The following ANKS1B variants were observed in gnomAD, a reference collection of about 807,000 sequenced individuals.
ANKS1B encodes the protein ankyrin repeat and sterile alpha motif domain containing 1B.
Under a neutral mutation model 148.3 loss-of-function variants are expected in ANKS1B, and 36 were observed. The observed-to-expected ratio is 0.24, with a 90% CI of 0.19 to 0.32. ANKS1B has a LOEUF of 0.32. Among genes scored for constraint, ANKS1B ranks in the 10% least tolerant of loss-of-function variants. The pLI is 1.00. For missense variants in ANKS1B, 1,157 were observed against 1,542.6 expected (o/e 0.75, Z 4.19); for synonymous variants, 542 against 560.8 (o/e 0.97, Z 0.47).
chr12:98,927,000 T>A (rs544652613), intron 17 of ANKS1B, among the ~76,000 whole-genome samples: 1 of 152,116 alleles, frequency 6.6e-6, no homozygotes, highest in Non-Finnish European at 1.5e-5. Context: ...AAACTATTAA[T>A]CCACACATGC....
At chr12:99,844,732 T>C (rs904322838) in intron 1 of ANKS1B, among the ~76,000 whole-genome samples, 1 of 152,200 alleles carries the variant, frequency 6.6e-6, no homozygotes, top group Admixed American at 6.5e-5. Context: ...CTTTTTTGGT[T>C]CCTTGTGAAT....
intron 17 of ANKS1B, among the ~76,000 whole-genome samples, chr12:98,859,181 T>C (rs1335029361): frequency 2.0e-5 from 3 of 152,226 alleles, no homozygotes; most frequent in African/African-American, 7.2e-5. Flanking sequence ...TTTCTGACCC[T>C]ACAGCTAAGA....
intron 9 of ANKS1B, among the ~76,000 whole-genome samples, chr12:99,546,440 A>G (rs1354560366): frequency 6.6e-6 from 1 of 152,190 alleles, no homozygotes; most frequent in Admixed American, 6.5e-5. Flanking sequence ...TCTATGTTCT[A>G]GTCACTCTAG....
At chr12:99,683,727 C>T (rs1393100806) in intron 8 of ANKS1B, among the ~76,000 whole-genome samples, 1 of 152,006 alleles carries the variant, frequency 6.6e-6, no homozygotes, top group Non-Finnish European at 1.5e-5. Context: ...AAATCCTCAA[C>T]AAAATACTAG....
At chr12:99,524,710 C>A (rs1158774834) in intron 9 of ANKS1B, among the ~76,000 whole-genome samples, 1 of 152,148 alleles carries the variant, frequency 6.6e-6, no homozygotes, top group Non-Finnish European at 1.5e-5. Context: ...GGCAGAAGAG[C>A]AAGGGACGTC....
At chr12:98,966,470 C>T (rs1000306464) in intron 17 of ANKS1B, among the ~76,000 whole-genome samples, 2 of 152,126 alleles carry the variant, frequency 1.3e-5, no homozygotes, top group African/African-American at 4.8e-5. Context: ...ACTAGTTCAA[C>T]CATTGTGGAA....
chr12:98,835,136 T>C (rs1463235470), intron 17 of ANKS1B, among the ~76,000 whole-genome samples: 2 of 147,474 alleles, frequency 1.4e-5, no homozygotes, highest in African/African-American at 4.9e-5. Flanking sequence ...TTTACAAAAC[T>C]GACACTAAAT....
chr12:99,051,603 C>A (rs964800144), intron 17 of ANKS1B, among the ~76,000 whole-genome samples: 1 of 152,160 alleles, frequency 6.6e-6, no homozygotes, highest in African/African-American at 2.4e-5. Flanking sequence ...AAAAGCAATA[C>A]TGTTTCAGTT....
intron 12 of ANKS1B, among the ~76,000 whole-genome samples, chr12:99,363,401 T>C (rs969925840): frequency 1.3e-5 from 2 of 152,142 alleles, no homozygotes; most frequent in Non-Finnish European, 2.9e-5. Flanking sequence ...AATGCTATGA[T>C]TAACAAATGA....
At chr12:99,116,541 T>C (rs2061466789) in intron 15 of ANKS1B, among the ~76,000 whole-genome samples, 1 of 152,194 alleles carries the variant, frequency 6.6e-6, no homozygotes, top group Non-Finnish European at 1.5e-5. Flanking sequence ...GTTTTGCCCA[T>C]GATATTTTGA....
chr12:99,804,623 G>A (rs1220259592), intron 4 of ANKS1B, among the ~76,000 whole-genome samples: 3 of 152,146 alleles, frequency 2.0e-5, no homozygotes, highest in Non-Finnish European at 4.4e-5. Context: ...AACCCCATCT[G>A]TGAGCACGCA....
chr12:99,089,185 A>T, intron 15 of ANKS1B, among the ~76,000 whole-genome samples: 1 of 150,058 alleles, frequency 6.7e-6, no homozygotes, highest in South Asian at 2.1e-4. Context: ...TTTTTTTCAC[A>T]TAACTTTTAG....
chr12:99,686,971 T>C (rs768506022), intron 8 of ANKS1B, among the ~76,000 whole-genome samples: 2 of 152,178 alleles, frequency 1.3e-5, no homozygotes, highest in Non-Finnish European at 1.5e-5. Context: ...CCATCTGATA[T>C]CATTTTTGCC....
At chr12:99,664,740 T>G (rs761651451) in intron 8 of ANKS1B, among the ~76,000 whole-genome samples, 8 of 152,340 alleles carry the variant, frequency 5.3e-5, no homozygotes, top group Non-Finnish European at 8.8e-5. Flanking sequence ...AGAAATCTTT[T>G]TTCTGCCACA....
intron 12 of ANKS1B, among the ~76,000 whole-genome samples, chr12:99,367,975 A>T (rs2092873748): frequency 6.6e-6 from 1 of 152,212 alleles, no homozygotes. Flanking sequence ...GAAAAGTTAA[A>T]TCCTAAAATT....
At chr12:99,345,393 C>T (rs1305919847) in intron 12 of ANKS1B, among the ~76,000 whole-genome samples, 1 of 151,906 alleles carries the variant, frequency 6.6e-6, no homozygotes, top group South Asian at 2.1e-4. Flanking sequence ...GAAGTGGATT[C>T]TAATGCAAGA....
intron 7 of ANKS1B, among the ~76,000 whole-genome samples, chr12:99,775,263 C>T (rs1426724925): frequency 6.6e-6 from 1 of 152,016 alleles, no homozygotes; most frequent in Admixed American, 6.6e-5. Context: ...TAAATATATA[C>T]AATTTTTATT....
chr12:99,049,846 G>A (rs577258075), intron 17 of ANKS1B, among the ~76,000 whole-genome samples: 10 of 152,184 alleles, frequency 6.6e-5, no homozygotes, highest in East Asian at 1.9e-4. Context: ...AACCACTGAC[G>A]CTGAAGTTAT....
chr12:99,267,012 G>A (rs770126783), intron 12 of ANKS1B, among the ~76,000 whole-genome samples: 2 of 152,102 alleles, frequency 1.3e-5, no homozygotes, highest in African/African-American at 2.4e-5. Flanking sequence ...AACTTCACTT[G>A]AACTTTAAGT....
Sources: gnomAD v4.1 joint callset for allele counts (sites outside exome capture counted in the v4.1 genomes callset) on GRCh38, gnomAD v4.1.1 for gene constraint, MANE v1.5 for transcripts, NCBI Gene and HGNC (gene_info 2026-07-23, HGNC 2026-07-21) for gene names.